The following IMMP2L variants were observed in gnomAD, a reference collection of about 807,000 sequenced individuals.
IMMP2L encodes mitochondrial inner membrane protease subunit 2.
In IMMP2L, 18 loss-of-function variants were observed where a neutral mutation model predicts 19.3. That is an observed-to-expected ratio of 0.93 (90% CI 0.64 to 1.38). The LOEUF is 1.38. Ranked by LOEUF, IMMP2L falls within the 40% of genes most tolerant of loss-of-function variation. The pLI is 0.00. For missense variants in IMMP2L, 233 were observed against 218.2 expected (o/e 1.07, Z -0.43); for synonymous variants, 76 against 73.0 (o/e 1.04, Z -0.21).
chr7:111,216,211 A>C (rs1811907234), intron 3 of IMMP2L, among the ~76,000 whole-genome samples: 2 of 152,248 alleles, frequency 1.3e-5, no homozygotes, highest in African/African-American at 4.8e-5. Context: ...TCCCAAGTAG[A>C]TATTCATTGA....
intron 5 of IMMP2L, among the ~76,000 whole-genome samples, chr7:110,676,265 C>T (rs2130391231): frequency 6.6e-6 from 1 of 152,322 alleles, no homozygotes; most frequent in Admixed American, 6.5e-5. Context: ...GGCTTACAGG[C>T]CATATGATCT....
At chr7:110,904,122 G>A (rs1308277166) in intron 4 of IMMP2L, among the ~76,000 whole-genome samples, 1 of 151,986 alleles carries the variant, frequency 6.6e-6, no homozygotes, top group Non-Finnish European at 1.5e-5. Context: ...ATATTTTAGA[G>A]ACTAACCCCG....
intron 3 of IMMP2L, among the ~76,000 whole-genome samples, chr7:111,080,508 TA>T (rs1423155687): frequency 2.4e-5 from 1 of 41,946 alleles, no homozygotes; most frequent in Non-Finnish European, 7.2e-5. Context: ...GTATAATATA[TA>T]ATGTGTGTAT....
chr7:110,928,517 T>A (rs868815082), intron 4 of IMMP2L, among the ~76,000 whole-genome samples: 1 of 143,934 alleles, frequency 6.9e-6, no homozygotes, highest in Non-Finnish European at 1.5e-5. Flanking sequence ...AAAAGTTCAG[T>A]GTACACACAC....
intron 3 of IMMP2L, among the ~76,000 whole-genome samples, chr7:111,119,145 A>T (rs957061921): frequency 3.9e-5 from 6 of 152,178 alleles, no homozygotes; most frequent in African/African-American, 1.4e-4. Context: ...GACCTAACGA[A>T]TTAATTGACA....
At chr7:110,957,542 A>G (rs1393462551) in intron 4 of IMMP2L, among the ~76,000 whole-genome samples, 2 of 151,940 alleles carry the variant, frequency 1.3e-5, no homozygotes, top group Non-Finnish European at 2.9e-5. Context: ...ATACTACTCC[A>G]TGGCTCGCCA....
At chr7:110,830,398 A>C (rs1198019938) in intron 5 of IMMP2L, among the ~76,000 whole-genome samples, 1 of 152,138 alleles carries the variant, frequency 6.6e-6, no homozygotes, top group Non-Finnish European at 1.5e-5. Flanking sequence ...GTTTCTAAAA[A>C]AAAACAGTCT....
At chr7:111,011,204 A>G (rs754926946) in intron 3 of IMMP2L, among the ~76,000 whole-genome samples, 1 of 152,114 alleles carries the variant, frequency 6.6e-6, no homozygotes, top group Non-Finnish European at 1.5e-5. Flanking sequence ...AGAGAAAATC[A>G]TGTGCTAGAT....
In IMMP2L at chr7:110,871,100, C is replaced by T. The variant is rs1221022711; in HGVS notation, c.408+15493G>A. On this transcript the variant is annotated intron_variant, in intron 5 of 5. Coordinates refer to ENST00000405709, the MANE Select transcript of IMMP2L (RefSeq NM_032549.4). The stretch of plus-strand genomic sequence containing the variant: ...TTGAGGGCAATAAAAAGTGAGACCC[C>T]AAGGATGCCGCCTAACTTTTTGTCT... 2.0e-5 allele frequency among the ~76,000 whole-genome samples: 3 copies of T among 151,986 alleles called. No homozygotes were observed. In the East Asian group the frequency reaches 5.8e-4, roughly 29 times the overall value.
chr7:111,218,837 T>G (rs1331042940), intron 3 of IMMP2L, among the ~76,000 whole-genome samples: 7 of 152,092 alleles, frequency 4.6e-5, no homozygotes, highest in Non-Finnish European at 7.4e-5. Context: ...AGCCCCTGAC[T>G]ACAGCCAGTT....
chr7:111,304,357 A>C (rs1183091623), intron 3 of IMMP2L, among the ~76,000 whole-genome samples: 2 of 152,006 alleles, frequency 1.3e-5, no homozygotes, highest in South Asian at 4.1e-4. Flanking sequence ...CAAAAAATAT[A>C]TGAATGGAGG....
intron 1 of IMMP2L, among the ~76,000 whole-genome samples, chr7:111,558,402 T>C (rs1791627579): frequency 6.6e-6 from 1 of 152,206 alleles, no homozygotes; most frequent in African/African-American, 2.4e-5. Context: ...TCTAGGACTT[T>C]GAGGAAAAAT....
chr7:110,912,567 T>C lies in IMMP2L; in HGVS notation c.306-25872A>G, dbSNP rs376688314. Among the ~76,000 whole-genome samples, 74 of 151,858 alleles carry C rather than the reference T, an allele frequency of 4.9e-4. 1 individual carries two copies. In the South Asian group the frequency reaches 0.015, roughly 31 times the overall value. On this transcript the variant is annotated intron_variant, in intron 4 of 5. Transcript: ENST00000405709. The stretch of plus-strand genomic sequence containing the variant: ...ATGTTTCTGTGAGCATTAAAAATTA[T>C]AGAAGGAGACACATTTAAAGTTTTT...
Position 111,379,206 on chromosome 7 carries a change from TAA to T in IMMP2L, c.239+108030_239+108031del, listed in dbSNP as rs11303513. On this transcript the variant is annotated intron_variant, in intron 3 of 5. Transcript: ENST00000405709. ...TGAAAACTTCAAGTAACCCTTATGG[TAA>T]AAAAAAAAAAAAAAAAAGTCCTATT... Among the ~76,000 whole-genome samples the T allele has an allele frequency of 6.6e-3, 656 of 98,824 alleles. 6 individuals are homozygous for T. Among genetic ancestry groups the T allele is most frequent in the African/African-American group, 0.018 (505 of 27,772 alleles). 64.8% of individuals were successfully genotyped at this position (98,824 alleles called of 152,430 possible). A position where few individuals can be genotyped will look rare whatever the true frequency, so the allele number is the denominator to read the frequency against.
intron 2 of IMMP2L, among the ~76,000 whole-genome samples, chr7:111,504,867 C>A (rs1281639076): frequency 1.3e-5 from 2 of 151,816 alleles, no homozygotes; most frequent in African/African-American, 2.4e-5. Flanking sequence ...ACCATAAAAA[C>A]CCTAGAAGAA....
intron 3 of IMMP2L, among the ~76,000 whole-genome samples, chr7:111,029,625 T>C (rs1827196344): frequency 6.6e-6 from 1 of 152,200 alleles, no homozygotes; most frequent in Admixed American, 6.5e-5. Context: ...GATGGTCAAA[T>C]GTCTTCTGGC....
intron 3 of IMMP2L, among the ~76,000 whole-genome samples, chr7:111,418,817 G>C (rs1361761946): frequency 1.3e-5 from 2 of 151,642 alleles, no homozygotes; most frequent in Non-Finnish European, 2.9e-5. Flanking sequence ...CCACCTTTTT[G>C]TACTATGAAA....
intron 3 of IMMP2L, among the ~76,000 whole-genome samples, chr7:111,287,628 G>A (rs79712683): frequency 0.01 from 1,524 of 151,952 alleles, 44 homozygotes; most frequent in Admixed American, 0.048. Flanking sequence ...AAATGGCTAC[G>A]TCGGCTTGCT....
chr7:110,713,332 G>A (rs181527553), intron 5 of IMMP2L, among the ~76,000 whole-genome samples: 29 of 152,234 alleles, frequency 1.9e-4, no homozygotes, highest in African/African-American at 5.8e-4. Context: ...CTAGTTTGAA[G>A]TCAGGTAATG....
Sources: allele counts gnomAD v4.1 joint callset (sites outside exome capture counted in the v4.1 genomes callset), GRCh38; gene constraint gnomAD v4.1.1; transcripts MANE v1.5; gene names NCBI Gene and HGNC (gene_info 2026-07-23, HGNC 2026-07-21).